The following RASA2 variants were observed in gnomAD, a reference collection of about 807,000 sequenced individuals.
RASA2 encodes RAS p21 protein activator 2, also known as ras GTPase-activating protein 2.
In RASA2, 155 loss-of-function variants were observed where a neutral mutation model predicts 118.2. The ratio of observed to expected loss-of-function variants is 1.31; its 90% CI spans 1.15 to 1.50. The LOEUF (loss-of-function observed/expected upper bound fraction) is 1.50. RASA2 is among the 40% of genes most tolerant of loss of function. The pLI is 0.00. For missense variants in RASA2, 1,016 were observed against 1,009.6 expected, an observed-to-expected ratio of 1.01 and a Z score of -0.09; for synonymous variants, 353 against 349.1, an observed-to-expected ratio of 1.01 and a Z score of -0.12.
intron 17 of RASA2, among the ~76,000 whole-genome samples, chr3:141,581,394 TGC>T (rs1293261189): frequency 4.5e-4 from 68 of 152,336 alleles, no homozygotes; most frequent in African/African-American, 1.6e-3. Context: ...CTTTTGCCAG[TGC>T]ATTAGAAACA....
At chr3:141,563,259 G>A (rs1248945875) in intron 9 of RASA2, among the ~76,000 whole-genome samples, 1 of 151,860 alleles carries the variant, frequency 6.6e-6, no homozygotes, top group Non-Finnish European at 1.5e-5. Context: ...TCTTTCAAAC[G>A]GAAATATTTC....
At chr3:141,571,840 C>T (rs1356068704) in intron 11 of RASA2, among the ~76,000 whole-genome samples, 2 of 151,874 alleles carry the variant, frequency 1.3e-5, no homozygotes, top group African/African-American at 4.8e-5. Context: ...AGTTAAAACA[C>T]CAGAGCAGAA....
At chr3:141,510,612 T>G (rs2081936770) in intron 1 of RASA2, among the ~76,000 whole-genome samples, 1 of 152,222 alleles carries the variant, frequency 6.6e-6, no homozygotes. Flanking sequence ...CTATGTGCTT[T>G]AGATAGAATA....
At chr3:141,578,080 C>G (rs2083041774) in intron 15 of RASA2, among the ~76,000 whole-genome samples, 1 of 152,132 alleles carries the variant, frequency 6.6e-6, no homozygotes, top group South Asian at 2.1e-4. Flanking sequence ...GTGCTTTGTA[C>G]TAGGCCTTGT....
intron 9 of RASA2, among the ~76,000 whole-genome samples, chr3:141,562,408 G>A (rs192541231): frequency 6.7e-6 from 1 of 148,206 alleles, no homozygotes; most frequent in African/African-American, 2.5e-5. Context: ...CGGATCATGA[G>A]GTCAGGAGAT....
At chr3:141,490,027 T>C (rs2081621763) in intron 1 of RASA2, among the ~76,000 whole-genome samples, 1 of 151,492 alleles carries the variant, frequency 6.6e-6, no homozygotes, top group East Asian at 1.9e-4. Flanking sequence ...CAAATATGTT[T>C]CAGGTGTTTT....
chr3:141,500,964 A>G (rs1384077093), intron 1 of RASA2, among the ~76,000 whole-genome samples: 1 of 152,202 alleles, frequency 6.6e-6, no homozygotes, highest in Non-Finnish European at 1.5e-5. Context: ...ACCAGGTATA[A>G]TGCAGTAAAG....
rs973401507 is a variant in RASA2, at chr3:141,615,323, A to G, written c.*3010A>G. On this transcript the variant is annotated 3_prime_UTR_variant, in exon 24 of 24. Transcript: ENST00000286364. ...GTAACTGTCGCTTGGAAATAACTCAAATAAATTACAAGAAGCCTGTCTGTT... is the reference window on the plus strand; with the variant it reads ...GTAACTGTCGCTTGGAAATAACTCAGATAAATTACAAGAAGCCTGTCTGTT... 3 of 151,950 alleles carry G rather than the reference A, an allele frequency of 2.0e-5. No individual in the cohort carries two copies. Among genetic ancestry groups the G allele is most frequent in the African/African-American group, 7.2e-5 (3 of 41,400 alleles). The allele number at this position is 151,950 out of a possible 1,614,324, so 9.4% of individuals were successfully genotyped here.
intron 1 of RASA2, among the ~76,000 whole-genome samples, chr3:141,507,826 C>T (rs532146789): frequency 2.0e-5 from 3 of 152,292 alleles, no homozygotes; most frequent in African/African-American, 7.2e-5. Flanking sequence ...CTAGTGAGTG[C>T]ATCTGGTTGG....
chr3:141,512,201 A>G lies in RASA2; in HGVS notation c.172A>G (p.Lys58Glu). 6.2e-7 allele frequency: 1 copy of G among 1,606,018 alleles called. No individual in the cohort carries two copies. Among genetic ancestry groups the G allele is most frequent in the Non-Finnish European group, 8.5e-7 (1 of 1,177,942 alleles). ...TTTATTGCCATATCTTGGACCCCAC[A>G]AAATGAGAGATTGTTTCTGTACCAT... ...KNLLPYLGPHKMRDCFCTINL... is the reference protein window; with the variant it reads ...KNLLPYLGPHEMRDCFCTINL... Residue 58 changes from lysine (K) to glutamate (E), a missense_variant, in exon 2 of 24, where the codon AAA becomes GAA. Around this residue, in one of 2 missense-constraint regions of RASA2, gnomAD observed 896 missense variants for 836.4 expected, o/e 1.07. Coordinates refer to ENST00000286364, the MANE Select transcript of RASA2 (RefSeq NM_006506.5).
chr3:141,501,312 G>C (rs1207219421), intron 1 of RASA2, among the ~76,000 whole-genome samples: 1 of 152,180 alleles, frequency 6.6e-6, no homozygotes, highest in Non-Finnish European at 1.5e-5. Context: ...ATACCCAGTT[G>C]TTATATTACA....
chr3:141,552,920 C>T (rs2082595436), intron 5 of RASA2, among the ~76,000 whole-genome samples: 1 of 152,156 alleles, frequency 6.6e-6, no homozygotes, highest in Non-Finnish European at 1.5e-5. Flanking sequence ...GACCCTTAGA[C>T]ATTAAACTAA....
intron 1 of RASA2, among the ~76,000 whole-genome samples, chr3:141,501,060 G>C (rs1393640715): frequency 6.6e-6 from 1 of 152,132 alleles, no homozygotes; most frequent in African/African-American, 2.4e-5. Flanking sequence ...GATTATTAAA[G>C]AGAAACCAGA....
intron 14 of RASA2, among the ~76,000 whole-genome samples, 153 bp downstream of exon 14, chr3:141,574,220 T>A (rs1253181020): frequency 6.6e-6 from 1 of 151,988 alleles, no homozygotes; most frequent in Non-Finnish European, 1.5e-5. Context: ...GACGGAGTCT[T>A]GCTCTGTCAC....
intron 3 of RASA2, among the ~76,000 whole-genome samples, chr3:141,520,869 G>A (rs1356541705): frequency 2.0e-5 from 3 of 152,166 alleles, no homozygotes; most frequent in African/African-American, 7.2e-5. Context: ...CAAATGAAAT[G>A]AGTTAGGGCA....
chr3:141,526,162 T>C (rs999790040), intron 3 of RASA2: 9 of 152,164 alleles, frequency 5.9e-5, no homozygotes, highest in African/African-American at 4.8e-5. Context: ...ACCTCCAAGA[T>C]TGTTAGGAAA....
chr3:141,566,931 C>G (rs1411209251), intron 9 of RASA2, among the ~76,000 whole-genome samples: 1 of 152,048 alleles, frequency 6.6e-6, no homozygotes, highest in Non-Finnish European at 1.5e-5. Flanking sequence ...CCTATTCTGA[C>G]CTATCTACTG....
intron 4 of RASA2, among the ~76,000 whole-genome samples, chr3:141,538,100 AAC>A (rs60054807): frequency 0.17 from 23,111 of 136,276 alleles, 1,871 homozygotes; most frequent in Non-Finnish European, 0.21. Context: ...CAAAAAACAA[AAC>A]ACACACACAC....
intron 5 of RASA2, among the ~76,000 whole-genome samples, chr3:141,548,484 C>G (rs1423462869): frequency 1.3e-5 from 2 of 151,990 alleles, no homozygotes; most frequent in African/African-American, 4.8e-5. Flanking sequence ...GTTTCTTAAG[C>G]TTTTGCTCTC....
Sources: allele counts gnomAD v4.1 joint callset (sites outside exome capture counted in the v4.1 genomes callset), GRCh38; gene constraint gnomAD v4.1.1; regional missense constraint gnomAD v4.1.1; transcripts MANE v1.5; gene names NCBI Gene and HGNC (gene_info 2026-07-23, HGNC 2026-07-21).